Variants in GRID1 observed in about 807,000 individuals in gnomAD.
GRID1 encodes the protein glutamate ionotropic receptor delta type subunit 1.
GRID1 carries 28 observed loss-of-function variants against 98.0 expected under a neutral mutation model. The ratio of observed to expected loss-of-function variants is 0.29; its 90% confidence interval spans 0.21 to 0.39. The LOEUF (loss-of-function observed/expected upper bound fraction) is 0.39. GRID1 is among the 10% of genes least tolerant of loss of function. GRID1 has a pLI of 1.00. For missense variants in GRID1, 1,111 were observed against 1,340.5 expected (o/e 0.83, Z 2.67); for synonymous variants, 553 against 538.5 (o/e 1.03, Z -0.37).
chr10:85,721,550 A>G (rs1220437208), intron 12 of GRID1, among the ~76,000 whole-genome samples: 1 of 152,246 alleles, frequency 6.6e-6, no homozygotes, highest in East Asian at 1.9e-4. Flanking sequence ...AATACACATG[A>G]AAACGTGGAC....
chr10:86,152,799 A>G (rs1025678516), intron 3 of GRID1, among the ~76,000 whole-genome samples: 3 of 152,184 alleles, frequency 2.0e-5, no homozygotes, highest in African/African-American at 4.8e-5. Flanking sequence ...ACAGCAGCCC[A>G]TCCTCTCCAG....
At chr10:86,354,264 G>A (rs1281082421) in intron 2 of GRID1, among the ~76,000 whole-genome samples, 1 of 152,256 alleles carries the variant, frequency 6.6e-6, no homozygotes, top group Non-Finnish European at 1.5e-5. Flanking sequence ...AGGCAGCAAG[G>A]CCGGTGTCTC....
rs374880910 is a variant in GRID1 at position 85,619,846 on chromosome 10, T to C, written c.2360+21A>G. On this transcript the variant is annotated intron_variant, in intron 14 of 15. Transcript: ENST00000327946. ...ACTAGAGTCCTGAGGCAGCGGTAGT[T>C]ACCTTGCTGCCCAAGCCTACCTCTG... 62 of 1,603,004 alleles carry C rather than the reference T, an allele frequency of 3.9e-5. No individual in the cohort carries two copies. The African/African-American group carries it at 7.4e-4, about 19-fold the overall frequency.
At chr10:86,213,211 A>G (rs571444742) in intron 2 of GRID1, among the ~76,000 whole-genome samples, 4 of 151,942 alleles carry the variant, frequency 2.6e-5, no homozygotes, top group Admixed American at 2.0e-4. Flanking sequence ...CTAGGAGTCA[A>G]CTCAGGGTGG....
intron 8 of GRID1, among the ~76,000 whole-genome samples, chr10:85,745,846 C>T (rs962921768): frequency 2.0e-5 from 3 of 151,886 alleles, no homozygotes; most frequent in Admixed American, 1.3e-4. Context: ...AAATCAGCTG[C>T]AAAAAGAATC....
chr10:86,345,204 G>A (rs567415244), intron 2 of GRID1, among the ~76,000 whole-genome samples: 1 of 152,170 alleles, frequency 6.6e-6, no homozygotes, highest in Non-Finnish European at 1.5e-5. Flanking sequence ...GAGGGGCCTC[G>A]AGCTGCCATA....
chr10:86,330,327 G>C (rs1564740645), intron 2 of GRID1, among the ~76,000 whole-genome samples: 1 of 152,076 alleles, frequency 6.6e-6, no homozygotes, highest in Non-Finnish European at 1.5e-5. Flanking sequence ...GCAGGCAAAG[G>C]AGGCCTCTGC....
intron 5 of GRID1, among the ~76,000 whole-genome samples, chr10:85,895,861 C>T (rs1446428533): frequency 6.6e-6 from 1 of 151,994 alleles, no homozygotes; most frequent in African/African-American, 2.4e-5. Flanking sequence ...TGCTCAGCCA[C>T]AAGGAGGATA....
chr10:85,876,775 G>A (rs188551556), intron 5 of GRID1, among the ~76,000 whole-genome samples: 6 of 152,310 alleles, frequency 3.9e-5, no homozygotes, highest in South Asian at 4.1e-4. Context: ...TGGATGCAGC[G>A]CACCGTGTGC....
chr10:85,785,168 G>T (rs944819190), intron 8 of GRID1, among the ~76,000 whole-genome samples: 7 of 152,184 alleles, frequency 4.6e-5, no homozygotes, highest in Admixed American at 3.9e-4. Context: ...GATTTTACAC[G>T]AATGAGAAAT....
chr10:85,690,132 C>G (rs1841315915), intron 12 of GRID1, among the ~76,000 whole-genome samples: 1 of 152,068 alleles, frequency 6.6e-6, no homozygotes, highest in African/African-American at 2.4e-5. Flanking sequence ...TGAATTAAAT[C>G]TGCAATAAAA....
intron 8 of GRID1, among the ~76,000 whole-genome samples, chr10:85,819,624 T>C (rs1170395821): frequency 6.6e-6 from 1 of 152,060 alleles, no homozygotes; most frequent in Non-Finnish European, 1.5e-5. Context: ...TAAGAAAACT[T>C]CTGGCCAGAC....
At chr10:86,160,888 G>A (rs1845312224) in intron 3 of GRID1, among the ~76,000 whole-genome samples, 1 of 152,200 alleles carries the variant, frequency 6.6e-6, no homozygotes. Context: ...AAACGGTATA[G>A]CCCACTGTCT....
At chr10:85,936,127 T>G (rs1841922371) in intron 4 of GRID1, among the ~76,000 whole-genome samples, 1 of 152,236 alleles carries the variant, frequency 6.6e-6, no homozygotes, top group Admixed American at 6.5e-5. Flanking sequence ...TTAGGATACC[T>G]AACTCAACTT....
intron 4 of GRID1, among the ~76,000 whole-genome samples, chr10:85,994,102 C>T (rs1439879827): frequency 5.3e-5 from 8 of 152,290 alleles, no homozygotes; most frequent in Non-Finnish European, 8.8e-5. Context: ...CCAGGAGCTG[C>T]AAACGGCTTT....
intron 4 of GRID1, among the ~76,000 whole-genome samples, chr10:86,032,042 C>T (rs905602895): frequency 2.0e-5 from 3 of 152,202 alleles, no homozygotes; most frequent in Non-Finnish European, 1.5e-5. Flanking sequence ...TCCCCTTACT[C>T]ATCTTCACCA....
At chr10:85,664,567 C>A (rs751147822) in intron 12 of GRID1, among the ~76,000 whole-genome samples, 3 of 152,190 alleles carry the variant, frequency 2.0e-5, no homozygotes, top group Non-Finnish European at 4.4e-5. Flanking sequence ...CCAAAATTAG[C>A]TGTGCTTGGA....
At chr10:85,724,274 G>T in intron 11 of GRID1, 78 bp downstream of exon 11, 3 of 1,106,298 alleles carry the variant, frequency 2.7e-6, no homozygotes, top group Non-Finnish European at 3.9e-6. Flanking sequence ...TTGGTAAAAT[G>T]CACCTGAGAA....
intron 4 of GRID1, among the ~76,000 whole-genome samples, chr10:86,020,524 T>A (rs1222773791): frequency 6.6e-6 from 1 of 152,250 alleles, no homozygotes; most frequent in African/African-American, 2.4e-5. Flanking sequence ...ATTTGCTCAG[T>A]GACCTTGGCT....
Sources: gnomAD v4.1 joint callset for allele counts (sites outside exome capture counted in the v4.1 genomes callset) on GRCh38, gnomAD v4.1.1 for gene constraint, MANE v1.5 for transcripts, NCBI Gene and HGNC (gene_info 2026-07-23, HGNC 2026-07-21) for gene names.